Variants in PAN3 observed in about 807,000 individuals in gnomAD.
PAN3 encodes the protein poly(A) specific ribonuclease subunit PAN3, also known as PAN2-PAN3 deadenylation complex subunit PAN3.
Under a neutral mutation model 96.2 loss-of-function variants are expected in PAN3, and 19 were observed. That is an observed-to-expected ratio of 0.20 (90% confidence interval 0.14 to 0.29). The LOEUF (loss-of-function observed/expected upper bound fraction) is 0.29. Ranked by LOEUF, PAN3 falls within the 10% of genes least tolerant of loss-of-function variation. The pLI is 1.00. For synonymous variants in PAN3, 433 were observed against 406.6 expected, an observed-to-expected ratio of 1.06 and a Z score of -0.78; for missense variants, 882 against 1,108.1, an observed-to-expected ratio of 0.80 and a Z score of 2.90.
At chr13:28,172,128 T>C (rs894768291) in intron 1 of PAN3, among the ~76,000 whole-genome samples, 1 of 152,308 alleles carries the variant, frequency 6.6e-6, no homozygotes, top group East Asian at 1.9e-4. Context: ...AAAAGAAATA[T>C]GTATTTCTTT....
intron 6 of PAN3, among the ~76,000 whole-genome samples, chr13:28,222,327 G>GA (rs1566201199): frequency 1.4e-5 from 2 of 142,504 alleles, no homozygotes; most frequent in African/African-American, 5.0e-5. Context: ...TAAATTAGCT[G>GA]AAAATCTATT....
At chr13:28,286,641 C>G (rs930439979) in intron 17 of PAN3, among the ~76,000 whole-genome samples, 13 of 152,170 alleles carry the variant, frequency 8.5e-5, no homozygotes, top group Non-Finnish European at 4.4e-5. Flanking sequence ...CCTCTGCATT[C>G]CAGATGTTCA....
chr13:28,172,193 C>CGTG (rs1409372791), intron 1 of PAN3, among the ~76,000 whole-genome samples: 2 of 152,152 alleles, frequency 1.3e-5, no homozygotes, highest in Non-Finnish European at 2.9e-5. Context: ...CGGTGGCTCA[C>CGTG]GCCTGTAATC....
chr13:28,138,348 C>A (rs1387164922), upstream of PAN3, among the ~76,000 whole-genome samples: 1 of 152,160 alleles, frequency 6.6e-6, no homozygotes, highest in Non-Finnish European at 1.5e-5. Context: ...TTCCCCTGCC[C>A]GCGCCCTCGA....
At chr13:28,190,611 CT>C (rs1396709996) in intron 4 of PAN3, among the ~76,000 whole-genome samples, 2 of 152,082 alleles carry the variant, frequency 1.3e-5, no homozygotes, top group Non-Finnish European at 2.9e-5. Context: ...CATTTTGACA[CT>C]GCTATAAAGA....
intron 5 of PAN3, among the ~76,000 whole-genome samples, chr13:28,204,901 A>C (rs750484920): frequency 6.6e-6 from 1 of 152,172 alleles, no homozygotes; most frequent in African/African-American, 2.4e-5. Flanking sequence ...GAACTGTTGG[A>C]CTGTGCATGT....
At chr13:28,257,735 TAA>T (rs373094018) in intron 7 of PAN3, among the ~76,000 whole-genome samples, 28 of 110,030 alleles carry the variant, frequency 2.5e-4, no homozygotes, top group Admixed American at 4.7e-4. Context: ...ATATTATATA[TAA>T]ATTATATATA....
At chr13:28,169,906 G>T (rs1874085185) in intron 1 of PAN3, among the ~76,000 whole-genome samples, 2 of 151,962 alleles carry the variant, frequency 1.3e-5, no homozygotes, top group African/African-American at 2.4e-5. Flanking sequence ...AATTAGCTGG[G>T]CGTGGTGACG....
chr13:28,280,533 C>T lies in PAN3; in HGVS notation c.2311C>T (p.Leu771Phe). Residue 771 changes from leucine (L) to phenylalanine (F), a missense_variant, in exon 16 of 19, where the codon CTT becomes TTT. Around this residue, in one of 3 missense-constraint regions of PAN3, gnomAD observed 76 missense variants for 171.7 expected, o/e 0.44. Transcript: ENST00000380958. ...QMRNDVIEED[L>F]AKEVQNGRLF... is the part of the protein sequence containing the mutation. ...GAGAAATGATGTCATAGAGGAAGACCTTGCAAAGGTAAAGAGTGTAAATTT... is the reference window on the plus strand; with the variant it reads ...GAGAAATGATGTCATAGAGGAAGACTTTGCAAAGGTAAAGAGTGTAAATTT... 1.3e-6 allele frequency: 2 copies of T among 1,580,754 alleles called. No homozygotes were observed. Among genetic ancestry groups the T allele is most frequent in the Non-Finnish European group, 1.7e-6 (2 of 1,157,056 alleles).
chr13:28,270,536 G>C (rs536134404), intron 12 of PAN3, among the ~76,000 whole-genome samples, 165 bp from the exon 13 acceptor site: 3 of 152,282 alleles, frequency 2.0e-5, no homozygotes, highest in Non-Finnish European at 4.4e-5. Flanking sequence ...GAATCTTTGG[G>C]CAATAGACTA....
chr13:28,266,620 C>G, intron 9 of PAN3, 95 bp from the exon 10 acceptor site: 2 of 958,590 alleles, frequency 2.1e-6, no homozygotes, highest in South Asian at 5.2e-5. Context: ...TTGTGATACA[C>G]AAGGGGTTTA....
chr13:28,249,837 C>G (rs1884555701), intron 6 of PAN3, among the ~76,000 whole-genome samples: 1 of 152,174 alleles, frequency 6.6e-6, no homozygotes, highest in Non-Finnish European at 1.5e-5. Flanking sequence ...GACTTTTATT[C>G]TTTTACTGTC....
intron 1 of PAN3, among the ~76,000 whole-genome samples, chr13:28,162,461 G>T (rs2138035173): frequency 6.6e-6 from 1 of 152,122 alleles, no homozygotes; most frequent in East Asian, 1.9e-4. Context: ...GAGGCGGGTG[G>T]ATTGCATGAG....
chr13:28,291,135 CAAAATTAAGATT>C, intron 18 of PAN3, among the ~76,000 whole-genome samples: 1 of 151,934 alleles, frequency 6.6e-6, no homozygotes. Context: ...ATTGATTATA[CAAAATTAAGATT>C]TTATATAAGC....
intron 17 of PAN3, among the ~76,000 whole-genome samples, chr13:28,283,072 G>A (rs1868490596): frequency 6.6e-6 from 1 of 151,244 alleles, no homozygotes; most frequent in Non-Finnish European, 1.5e-5. Context: ...TTTTTGAGAG[G>A]GAATCTCGCT....
intron 6 of PAN3, among the ~76,000 whole-genome samples, chr13:28,247,643 T>A (rs1884333676): frequency 6.6e-6 from 1 of 152,222 alleles, no homozygotes; most frequent in Non-Finnish European, 1.5e-5. Flanking sequence ...TCTCTGCATG[T>A]AGTTATCCAG....
intron 5 of PAN3, 93 bp downstream of exon 5, chr13:28,197,439 G>A (rs1333097350): frequency 1.1e-5 from 14 of 1,256,692 alleles, no homozygotes; most frequent in Non-Finnish European, 1.4e-5. Flanking sequence ...AGGATTGGAT[G>A]ACTTAGCTGG....
At chr13:28,253,543 G>A (rs888591635) in intron 6 of PAN3, among the ~76,000 whole-genome samples, 2 of 151,004 alleles carry the variant, frequency 1.3e-5, no homozygotes, top group African/African-American at 2.4e-5. Context: ...ATTGGCGGGG[G>A]TGGTGATGCT....
chr13:28,261,520 CAT>C (rs1398647387), intron 9 of PAN3, 62 bp downstream of exon 9: 1 of 1,439,462 alleles, frequency 6.9e-7, no homozygotes, highest in African/African-American at 1.4e-5. Context: ...CGTGGTAGTA[CAT>C]GTTTTATGCA....
Sources: allele counts gnomAD v4.1 joint callset (sites outside exome capture counted in the v4.1 genomes callset), GRCh38; gene constraint gnomAD v4.1.1; regional missense constraint gnomAD v4.1.1; transcripts MANE v1.5; gene names NCBI Gene and HGNC (gene_info 2026-07-23, HGNC 2026-07-21).